CENPE: variants seen among roughly 807,000 people sequenced by gnomAD.
CENPE encodes centromere-associated protein E.
Under a neutral mutation model 336.1 loss-of-function variants are expected in CENPE, and 145 were observed. That is an observed-to-expected ratio of 0.43 (90% CI 0.38 to 0.50). The LOEUF (loss-of-function observed/expected upper bound fraction) is 0.50. CENPE is among the 20% of genes least tolerant of loss of function. The probability of loss-of-function intolerance (pLI) is 0.00; values close to 1 mark genes in which losing one functional copy is unlikely to be tolerated. For missense variants in CENPE, 2,719 were observed against 3,023.3 expected (o/e 0.90, Z 2.36); for synonymous variants, 1,013 against 984.8 (o/e 1.03, Z -0.54).
At chr4:103,147,784 C>T in intron 28 of CENPE, 138 bp from the exon 29 acceptor site, 2 of 687,830 alleles carry the variant, frequency 2.9e-6, no homozygotes, top group East Asian at 5.5e-5. Context: ...ACTTCTGCCT[C>T]CTGGGTTCAA....
chr4:103,147,325 T>G, intron 29 of CENPE, 31 bp downstream of exon 29: 1 of 1,548,384 alleles, frequency 6.5e-7, no homozygotes, highest in Admixed American at 1.9e-5. Context: ...ATAAGACACT[T>G]GTTAAAATGG....
At chr4:103,128,880 A>G (rs953976198) in intron 42 of CENPE, among the ~76,000 whole-genome samples, 2 of 152,212 alleles carry the variant, frequency 1.3e-5, no homozygotes, top group Non-Finnish European at 2.9e-5. Flanking sequence ...GTAGAAATCA[A>G]TGAAATTGAA....
chr4:103,175,251 T>A lies in CENPE; in HGVS notation c.1480-348A>T, dbSNP rs567052603. Among the ~76,000 whole-genome samples the A allele has an allele frequency of 2.6e-5, 4 of 152,100 alleles. No homozygotes were observed. The South Asian group carries it at 6.2e-4, about 24-fold the overall frequency. ...AGAATGGAAACAGAGATATTATTTATTGACTTCTAAAGCTAATGACAACTG... is the reference window on the plus strand; with the variant it reads ...AGAATGGAAACAGAGATATTATTTAATGACTTCTAAAGCTAATGACAACTG... On this transcript the variant is annotated intron_variant, in intron 15 of 48. Coordinates refer to ENST00000265148, the MANE Select transcript of CENPE (RefSeq NM_001813.3).
chr4:103,145,121 T>C lies in CENPE; in HGVS notation c.4786A>G (p.Lys1596Glu), dbSNP rs1406077308. The change falls in exon 32 of 49, where the codon AAA becomes GAA. Residue 1596 changes from lysine to glutamate, a missense_variant. Transcript: ENST00000265148. ...QIMIKEKEEM[K>E]RVQEALQIER... ...ATCTGAAGGGCCTCCTGTACTCTTT[T>C]CATTTCCTCTTTTTCCTTAATCATA... The C allele has an allele frequency of 6.2e-7, 1 of 1,611,750 alleles. No homozygotes were observed. Among genetic ancestry groups the C allele is most frequent in the East Asian group, 2.2e-5 (1 of 44,806 alleles).
intron 25 of CENPE, among the ~76,000 whole-genome samples, chr4:103,151,845 G>A (rs1016778693): frequency 1.3e-5 from 2 of 152,118 alleles, no homozygotes; most frequent in African/African-American, 4.8e-5. Context: ...ACATTCTCAC[G>A]TATCAAGACC....
At chr4:103,146,197 G>T (rs1218408310) in intron 29 of CENPE, 90 bp from the exon 30 acceptor site, 3 of 1,230,142 alleles carry the variant, frequency 2.4e-6, no homozygotes, top group Non-Finnish European at 2.3e-6. Flanking sequence ...AAACAATTAA[G>T]GCAGGATTCA....
chr4:103,177,728 T>C (rs1379603537), intron 13 of CENPE, among the ~76,000 whole-genome samples: 1 of 151,818 alleles, frequency 6.6e-6, no homozygotes, highest in Non-Finnish European at 1.5e-5. Flanking sequence ...TAAGATTACT[T>C]GTTGTCCACA....
At chr4:103,144,917 T>C in intron 32 of CENPE, 133 bp downstream of exon 32, 2 of 814,932 alleles carry the variant, frequency 2.5e-6, no homozygotes, top group Non-Finnish European at 3.6e-6. Context: ...ATATAAGCAG[T>C]TTTTGATTCC....
chr4:103,137,638 G>T (rs1752177789), intron 39 of CENPE, among the ~76,000 whole-genome samples: 1 of 152,142 alleles, frequency 6.6e-6, no homozygotes, highest in African/African-American at 2.4e-5. Flanking sequence ...TGTCCTTAGA[G>T]ATCTTGCATT....
chr4:103,167,856 A>T (rs768978892), intron 16 of CENPE, among the ~76,000 whole-genome samples: 2 of 152,130 alleles, frequency 1.3e-5, no homozygotes, highest in Non-Finnish European at 2.9e-5. Context: ...TCCAGGAGAA[A>T]TCACACACTC....
At chr4:103,151,435 AG>A in intron 25 of CENPE, 58 bp from the exon 26 acceptor site, 1 of 1,262,230 alleles carries the variant, frequency 7.9e-7, no homozygotes, top group Non-Finnish European at 1.1e-6. Flanking sequence ...TTATGAAATC[AG>A]GTAAAACATC....
chr4:103,107,149 T>C (rs1748968239), intron 48 of CENPE, among the ~76,000 whole-genome samples: 1 of 152,222 alleles, frequency 6.6e-6, no homozygotes, highest in African/African-American at 2.4e-5. Context: ...CTTAGGAGGA[T>C]TGCTTGAGCC....
chr4:103,156,750 A>C (rs957903997), intron 24 of CENPE, among the ~76,000 whole-genome samples: 1 of 152,070 alleles, frequency 6.6e-6, no homozygotes. Flanking sequence ...GAAATTAAAA[A>C]CTTCTGTGTA....
intron 42 of CENPE, among the ~76,000 whole-genome samples, chr4:103,131,301 C>T (rs1019914243): frequency 3.3e-5 from 5 of 152,088 alleles, no homozygotes; most frequent in Admixed American, 2.0e-4. Context: ...AGACACTTCA[C>T]CAGAAAAGAT....
At chr4:103,146,142 C>T in intron 29 of CENPE, 35 bp from the exon 30 acceptor site, 1 of 1,579,264 alleles carries the variant, frequency 6.3e-7, no homozygotes, top group Non-Finnish European at 8.6e-7. Flanking sequence ...AGTTGATATC[C>T]AGAGATATTG....
chr4:103,116,516 A>G (rs954679852), intron 45 of CENPE, 61 bp downstream of exon 45: 1 of 742,752 alleles, frequency 1.3e-6, no homozygotes. Flanking sequence ...TGAAAAGTAT[A>G]TGTAGTTTAG....
In CENPE at chr4:103,141,798, T is replaced by A; in HGVS notation, c.5415A>T (p.Ser1805=). 1 of 1,566,654 alleles carries A rather than the reference T, an allele frequency of 6.4e-7. No individual in the cohort carries two copies. Among genetic ancestry groups the A allele is most frequent in the Non-Finnish European group, 8.7e-7 (1 of 1,143,930 alleles). Residue 1805 remains serine, a synonymous_variant, in exon 35 of 49, where the codon TCA becomes TCT. Transcript: ENST00000265148. ...AATTTTCTAAATCTTTTTGCATATT[T>A]GATAGTTTATCTGTCTTCTCAGAAA... ...GIVSEKTDKL[S]NMQKDLENSN...
chr4:103,178,055 T>C (rs1397302311), intron 13 of CENPE, among the ~76,000 whole-genome samples: 1 of 151,542 alleles, frequency 6.6e-6, no homozygotes, highest in Admixed American at 6.6e-5. Context: ...TTTTTTTTTT[T>C]GCCATCTCCC....
chr4:103,189,967 C>T (rs1165455972), intron 8 of CENPE, among the ~76,000 whole-genome samples: 1 of 152,006 alleles, frequency 6.6e-6, no homozygotes, highest in Non-Finnish European at 1.5e-5. Flanking sequence ...AATCAATGTG[C>T]AAAAATCACA....
Sources: gnomAD v4.1 joint callset for allele counts (sites outside exome capture counted in the v4.1 genomes callset) on GRCh38, gnomAD v4.1.1 for gene constraint, MANE v1.5 for transcripts, NCBI Gene and HGNC (gene_info 2026-07-23, HGNC 2026-07-21) for gene names.